The following LPP variants were observed in gnomAD, a reference collection of about 807,000 sequenced individuals.
LPP encodes the protein LIM domain containing preferred translocation partner in lipoma.
In LPP, 38 loss-of-function variants were observed where a neutral mutation model predicts 60.4. The observed-to-expected ratio is 0.63, with a 90% CI of 0.49 to 0.83. LPP has a LOEUF of 0.83. Ranked by LOEUF, LPP falls within the 40% of genes least tolerant of loss-of-function variation. The pLI, the probability that LPP is intolerant of heterozygous loss-of-function variation, is 0.00. For synonymous variants in LPP, 328 were observed against 290.8 expected (o/e 1.13, Z -1.30); for missense variants, 902 against 783.6 (o/e 1.15, Z -1.80).
intron 6 of LPP, among the ~76,000 whole-genome samples, chr3:188,563,553 A>G (rs892300274): frequency 6.6e-6 from 1 of 150,876 alleles, no homozygotes; most frequent in Non-Finnish European, 1.5e-5. Context: ...AGGATTTGCC[A>G]TACTATTTTT....
At chr3:188,413,201 A>C (rs1578709442) in intron 4 of LPP, among the ~76,000 whole-genome samples, 1 of 152,068 alleles carries the variant, frequency 6.6e-6, no homozygotes, top group East Asian at 1.9e-4. Flanking sequence ...TTTAGACTGG[A>C]TTTTCCCCAT....
chr3:188,165,337 A>G (rs1253753366), intron 1 of LPP, among the ~76,000 whole-genome samples: 1 of 152,022 alleles, frequency 6.6e-6, no homozygotes, highest in Non-Finnish European at 1.5e-5. Flanking sequence ...GACCTGGGGA[A>G]ACTCAGATAA....
intron 9 of LPP, among the ~76,000 whole-genome samples, chr3:188,828,051 C>A (rs1275920551): frequency 6.6e-6 from 1 of 152,038 alleles, no homozygotes; most frequent in Non-Finnish European, 1.5e-5. Context: ...ATCTGCTCAG[C>A]AAATATTATT....
chr3:188,542,327 C>T (rs1825423303), intron 6 of LPP, among the ~76,000 whole-genome samples: 1 of 152,184 alleles, frequency 6.6e-6, no homozygotes, highest in Admixed American at 6.6e-5. Flanking sequence ...ATTCTCATCC[C>T]AGTTGTCACA....
At chr3:188,715,405 A>T (rs936359117) in intron 8 of LPP, among the ~76,000 whole-genome samples, 3 of 140,338 alleles carry the variant, frequency 2.1e-5, no homozygotes, top group Admixed American at 1.4e-4. Context: ...AAAAAAAAAA[A>T]AGGAACATGG....
At chr3:188,753,922 A>G in intron 8 of LPP, among the ~76,000 whole-genome samples, 1 of 152,308 alleles carries the variant, frequency 6.6e-6, no homozygotes, top group East Asian at 1.9e-4. Context: ...ACAGTGACAG[A>G]ACTACATGTG....
chr3:188,522,919 T>C (rs1819386767), intron 5 of LPP, among the ~76,000 whole-genome samples: 1 of 151,430 alleles, frequency 6.6e-6, no homozygotes, highest in Non-Finnish European at 1.5e-5. Flanking sequence ...TATATGTATG[T>C]ATGTTTGAGA....
intron 3 of LPP, among the ~76,000 whole-genome samples, chr3:188,345,015 C>A (rs1763958785): frequency 2.0e-5 from 3 of 152,156 alleles, no homozygotes; most frequent in South Asian, 2.1e-4. Flanking sequence ...GAGGGGACTT[C>A]ACGAAGTAAT....
At chr3:188,505,690 T>C (rs1198100586) in intron 5 of LPP, among the ~76,000 whole-genome samples, 1 of 152,212 alleles carries the variant, frequency 6.6e-6, no homozygotes, top group Non-Finnish European at 1.5e-5. Context: ...TATCTTGCTT[T>C]CTTTGTATAT....
At chr3:188,766,378 C>A (rs866793487) in intron 9 of LPP, among the ~76,000 whole-genome samples, 144 of 124,610 alleles carry the variant, frequency 1.2e-3, no homozygotes, top group South Asian at 2.9e-3. Context: ...CCTTAAAAAG[C>A]AAAAAAAAAA....
intron 2 of LPP, among the ~76,000 whole-genome samples, chr3:188,331,765 A>G (rs1760146155): frequency 6.6e-6 from 1 of 152,196 alleles, no homozygotes; most frequent in African/African-American, 2.4e-5. Flanking sequence ...GAGCAGTATG[A>G]GTAAATGGTA....
At chr3:188,451,203 G>A (rs758093875) in intron 4 of LPP, among the ~76,000 whole-genome samples, 22 of 152,210 alleles carry the variant, frequency 1.4e-4, no homozygotes, top group South Asian at 4.1e-4. Context: ...GGAACTACTA[G>A]TACCTCCTGG....
intron 6 of LPP, among the ~76,000 whole-genome samples, chr3:188,544,224 G>A (rs1050879646): frequency 6.6e-6 from 1 of 152,144 alleles, no homozygotes; most frequent in Non-Finnish European, 1.5e-5. Flanking sequence ...CAGATTTTCA[G>A]CTTGATGTAA....
intron 8 of LPP, chr3:188,711,895 T>G (rs550753317): frequency 1.3e-5 from 2 of 152,334 alleles, no homozygotes; most frequent in Admixed American, 6.5e-5. Context: ...GAGTAAGTCT[T>G]TAAAATTGTG....
chr3:188,227,535 A>T (rs1271861498), intron 2 of LPP, among the ~76,000 whole-genome samples: 2 of 152,088 alleles, frequency 1.3e-5, no homozygotes, highest in African/African-American at 4.8e-5. Context: ...CCTGCGTTTA[A>T]TAGAGTATGG....
At chr3:188,175,166 A>C (rs923595082) in intron 1 of LPP, among the ~76,000 whole-genome samples, 1 of 151,778 alleles carries the variant, frequency 6.6e-6, no homozygotes, top group African/African-American at 2.4e-5. Context: ...GGCTCACTGC[A>C]ACTCCACCTC....
In LPP at chr3:188,217,349, G is replaced by T. The variant is rs1714039405; in HGVS notation, c.-189-8056G>T. ...GGAACAGAAGGAGACTGATGTGCTG[G>T]CAGGATGTGGGCTGCAGGGGAAGAA... On this transcript the variant is annotated intron_variant, in intron 1 of 11. Coordinates refer to ENST00000617246, the MANE Select transcript of LPP (RefSeq NM_001375462.1). The surrounding 1 kb of genome is among the most constrained non-coding windows in gnomAD (Gnocchi z 4.0). Among the ~76,000 whole-genome samples the T allele has an allele frequency of 6.6e-6, 1 of 152,172 alleles. No homozygotes were observed. The highest frequency in any genetic ancestry group is 1.5e-5 in the Non-Finnish European group (1 of 68,038).
At chr3:188,697,103 G>T (rs997275104) in intron 7 of LPP, among the ~76,000 whole-genome samples, 1 of 152,198 alleles carries the variant, frequency 6.6e-6, no homozygotes, top group African/African-American at 2.4e-5. Context: ...CACTTTGTCT[G>T]CCTCCCTGCT....
intron 6 of LPP, among the ~76,000 whole-genome samples, chr3:188,565,674 G>A (rs780767173): frequency 2.0e-5 from 3 of 151,888 alleles, no homozygotes; most frequent in Admixed American, 6.6e-5. Flanking sequence ...AAATATGTTT[G>A]TCTGATGTAT....
Sources: allele counts gnomAD v4.1 joint callset (sites outside exome capture counted in the v4.1 genomes callset), GRCh38; gene constraint gnomAD v4.1.1; non-coding constraint Gnocchi (gnomAD v3.1); transcripts MANE v1.5; gene names NCBI Gene and HGNC (gene_info 2026-07-23, HGNC 2026-07-21).